The following UQCRC1 variants were observed in gnomAD, a reference collection of about 807,000 sequenced individuals.
The protein encoded by UQCRC1 is cytochrome b-c1 complex subunit 1, mitochondrial.
Under a neutral mutation model 58.0 loss-of-function variants are expected in UQCRC1, and 34 were observed. The ratio of observed to expected loss-of-function variants is 0.59; its 90% CI spans 0.45 to 0.78. UQCRC1 has a LOEUF of 0.78. UQCRC1 is among the 30% of genes least tolerant of loss of function. The pLI is 0.00. For missense variants in UQCRC1, 610 were observed against 646.0 expected, an observed-to-expected ratio of 0.94 and a Z score of 0.60; for synonymous variants, 276 against 248.8, an observed-to-expected ratio of 1.11 and a Z score of -1.03.
At chr3:48,609,077 C>G in intron 2 of UQCRC1, 85 bp downstream of exon 2, 2 of 1,521,384 alleles carry the variant, frequency 1.3e-6, no homozygotes, top group South Asian at 1.3e-5. Flanking sequence ...AACGGGAAGA[C>G]TCGAGCCCAA....
chr3:48,606,923 G>C (rs1459454361), intron 2 of UQCRC1, among the ~76,000 whole-genome samples: 1 of 151,286 alleles, frequency 6.6e-6, no homozygotes, highest in Non-Finnish European at 1.5e-5. Flanking sequence ...GCAGTGGTGT[G>C]ATGTCGGCTC....
rs1039654631 is a variant in UQCRC1, at chr3:48,601,470, G to A, written c.707-3C>T. 5.0e-6 allele frequency: 8 copies of A among 1,613,330 alleles called. No individual in the cohort carries two copies. The highest frequency in any genetic ancestry group is 1.3e-5 in the African/African-American group (1 of 74,924). ...TAACAGTTGCTGGTGCTCCACTCCT[G>A]CTGAGACAGACAGTGGCATTACTGA... On this transcript the variant is annotated splice_region_variant and splice_polypyrimidine_tract_variant and intron_variant, in intron 6 of 12. Transcript: ENST00000203407.
At chr3:48,606,970 C>T (rs1255496929) in intron 2 of UQCRC1, among the ~76,000 whole-genome samples, 4 of 151,892 alleles carry the variant, frequency 2.6e-5, no homozygotes, top group South Asian at 4.2e-4. Context: ...GTGATTCTCC[C>T]GCCTCAGCCT....
chr3:48,609,261 G>A lies in UQCRC1; in HGVS notation c.111C>T (p.Thr37=), dbSNP rs200612064. The A allele has an allele frequency of 6.2e-6, 10 of 1,612,700 alleles. No individual in the cohort carries two copies. The East Asian group carries it at 2.2e-4, about 36-fold the overall frequency. ...GCACGAACTGGAGCGCCTGAGCGAAGGTTGCCGTACTCCGCAAGGCTGGCG... is the reference window on the plus strand; with the variant it reads ...GCACGAACTGGAGCGCCTGAGCGAAAGTTGCCGTACTCCGCAAGGCTGGCG... ...LRTPALRSTA[T]FAQALQFVPE... The change falls in exon 2 of 13, where the codon ACC becomes ACT. Residue 37 remains threonine (T), a synonymous_variant. Coordinates refer to ENST00000203407, the MANE Select transcript of UQCRC1 (RefSeq NM_003365.3).
At chr3:48,606,148 T>TA (rs555493413) in intron 2 of UQCRC1, among the ~76,000 whole-genome samples, 145 of 152,334 alleles carry the variant, frequency 9.5e-4, no homozygotes, top group African/African-American at 3.1e-3. Context: ...TACAAATCCT[T>TA]AAATTCACTC....
chr3:48,603,722 G>C (rs1339023948), intron 5 of UQCRC1, 79 bp from the exon 6 acceptor site: 2 of 1,321,086 alleles, frequency 1.5e-6, no homozygotes, highest in African/African-American at 2.9e-5. Flanking sequence ...TGGGACTGAG[G>C]AGGCAGACTA....
intron 2 of UQCRC1, among the ~76,000 whole-genome samples, chr3:48,607,879 C>T (rs963618478): frequency 6.6e-6 from 1 of 151,856 alleles, no homozygotes; most frequent in Admixed American, 6.6e-5. Context: ...GGCTGGAGTG[C>T]AGTGGCTCCA....
At chr3:48,599,329 T>C in intron 12 of UQCRC1, 137 bp from the exon 13 acceptor site, 1 of 990,928 alleles carries the variant, frequency 1.0e-6, no homozygotes, top group Non-Finnish European at 1.5e-6. Flanking sequence ...GGAGAGAACA[T>C]TCCCCCAGGG....
intron 5 of UQCRC1, chr3:48,603,871 C>T: frequency 1.7e-6 from 1 of 593,164 alleles, no homozygotes; most frequent in Non-Finnish European, 3.0e-6. Flanking sequence ...AGGACAGGCT[C>T]ATAGTCTTCT....
At chr3:48,608,202 G>A (rs2046431210) in intron 2 of UQCRC1, among the ~76,000 whole-genome samples, 1 of 152,192 alleles carries the variant, frequency 6.6e-6, no homozygotes, top group Non-Finnish European at 1.5e-5. Context: ...ACATCTGTAT[G>A]TACGTATTTT....
rs1054897236 is a variant in UQCRC1, at chr3:48,609,643, T to C, written c.-23A>G. 6 of 1,546,824 alleles carry C rather than the reference T, an allele frequency of 3.9e-6. No individual in the cohort carries two copies. The African/African-American group carries it at 5.5e-5, about 14-fold the overall frequency. On this transcript the variant is annotated 5_prime_UTR_variant, in exon 1 of 13. Coordinates refer to ENST00000203407, the MANE Select transcript of UQCRC1 (RefSeq NM_003365.3). ...CATCTTCCAGCTGCAGTCGGCCCTG[T>C]TGCGCCGCGCAAGCGTAGACTGGGC...
intron 3 of UQCRC1, 96 bp from the exon 4 acceptor site, chr3:48,604,876 C>T (rs2046397815): frequency 6.6e-7 from 1 of 1,526,456 alleles, no homozygotes; most frequent in Non-Finnish European, 8.9e-7. Context: ...CACTGGTCCA[C>T]AGGTACCTCC....
At chr3:48,608,735 C>T (rs992621315) in intron 2 of UQCRC1, among the ~76,000 whole-genome samples, 11 of 152,188 alleles carry the variant, frequency 7.2e-5, no homozygotes, top group African/African-American at 2.4e-5. Context: ...TTTCATTGTA[C>T]TGTTAAAATG....
At chr3:48,608,553 C>G (rs1208376509) in intron 2 of UQCRC1, among the ~76,000 whole-genome samples, 1 of 152,174 alleles carries the variant, frequency 6.6e-6, no homozygotes, top group Non-Finnish European at 1.5e-5. Context: ...GACATTGTTT[C>G]TGGAAAACTA....
intron 2 of UQCRC1, 30 bp downstream of exon 2, chr3:48,609,132 G>A (rs532359385): frequency 6.3e-7 from 1 of 1,583,852 alleles, no homozygotes; most frequent in Non-Finnish European, 8.6e-7. Context: ...CAACCTGGAG[G>A]CCCTCTCCCC....
At chr3:48,600,404 A>G in intron 10 of UQCRC1, 78 bp downstream of exon 10, 2 of 1,550,934 alleles carry the variant, frequency 1.3e-6, no homozygotes, top group South Asian at 1.1e-5. Context: ...AACCTTGGTT[A>G]GTTAGGAGCA....
intron 11 of UQCRC1, 118 bp from the exon 12 acceptor site, chr3:48,599,828 A>T (rs186813719): frequency 2.5e-6 from 3 of 1,201,332 alleles, no homozygotes; most frequent in Non-Finnish European, 3.6e-6. Flanking sequence ...TCCCCAGCCC[A>T]AAAGAGGAAA....
chr3:48,604,373 C>T lies in UQCRC1; in HGVS notation c.486G>A (p.Glu162=), dbSNP rs1428830028. The T allele has an allele frequency of 1.2e-6, 2 of 1,614,246 alleles. No individual in the cohort carries two copies. Among genetic ancestry groups the T allele is most frequent in the Admixed American group, 1.7e-5 (1 of 60,034 alleles). The change falls in exon 5 of 13, where the codon GAG becomes GAA. Residue 162 remains glutamate (E), a synonymous_variant. Transcript: ENST00000203407. ...QNCSLEDSQI[E]KERDVILREM... ...CCCGCAGGATCACATCACGTTCCTT[C>T]TCAATCTGTGAGTCTTCCAGACTAC...
chr3:48,601,576 C>T (rs1023911531), intron 6 of UQCRC1, 109 bp from the exon 7 acceptor site: 1 of 959,540 alleles, frequency 1.0e-6, no homozygotes, highest in African/African-American at 1.6e-5. Context: ...TGGGAGAAAC[C>T]AGGAGTATGT....
Sources: gnomAD v4.1 joint callset for allele counts (sites outside exome capture counted in the v4.1 genomes callset) on GRCh38, gnomAD v4.1.1 for gene constraint, MANE v1.5 for transcripts, NCBI Gene and HGNC (gene_info 2026-07-23, HGNC 2026-07-21) for gene names.